Variants in PHAF1 observed in about 807,000 individuals in gnomAD.
PHAF1 encodes phagosome assembly factor 1.
Under a neutral mutation model 63.1 loss-of-function variants are expected in PHAF1, and 23 were observed. The observed-to-expected ratio is 0.36, with a 90% confidence interval of 0.26 to 0.52. The LOEUF (loss-of-function observed/expected upper bound fraction) is 0.52, where lower values mean the gene tolerates loss of function less well. Among genes scored for constraint, PHAF1 ranks in the 20% least tolerant of loss-of-function variants. The pLI is 0.93. For missense variants in PHAF1, 427 were observed against 517.2 expected (o/e 0.83, Z 1.69); for synonymous variants, 167 against 185.0 (o/e 0.90, Z 0.79).
At chr16:67,117,297 C>T (rs1962778937) in intron 1 of PHAF1, among the ~76,000 whole-genome samples, 1 of 148,790 alleles carries the variant, frequency 6.7e-6, no homozygotes, top group Non-Finnish European at 1.5e-5. Flanking sequence ...GATCCGCCTG[C>T]CTCGGCCTCC....
chr16:67,147,436 C>A lies in PHAF1; in HGVS notation c.*305C>A. 2.6e-6 allele frequency: 1 copy of A among 391,100 alleles called. No individual in the cohort carries two copies. 24.2% of individuals were successfully genotyped at this position (391,100 alleles called of 1,614,324 possible). ...TAACAAGGAGGCAGGAGAGGTCAAC[C>A]CTTGTCCCATGCACATTGGGAAGAC... On this transcript the variant is annotated 3_prime_UTR_variant, in exon 16 of 16. Transcript: ENST00000219139.
intron 12 of PHAF1, 97 bp from the exon 13 acceptor site, chr16:67,145,279 C>A (rs1032838598): frequency 1.0e-5 from 14 of 1,372,758 alleles, no homozygotes; most frequent in African/African-American, 1.4e-5. Context: ...ACTCCAACCC[C>A]AGTGCAAAGG....
At position 67,144,353 on chromosome 16, in the gene PHAF1, C is replaced by T. The variant is rs370594179; in HGVS notation, c.939C>T (p.Tyr313=). 1.9e-6 allele frequency: 3 copies of T among 1,609,782 alleles called. No individual in the cohort carries two copies. The African/African-American group carries it at 4.0e-5, about 22-fold the overall frequency. Residue 313 remains tyrosine, a synonymous_variant, in exon 11 of 16, where the codon TAC becomes TAT. Coordinates refer to ENST00000219139, the MANE Select transcript of PHAF1 (RefSeq NM_025187.5). ...KVKKFVLHTN[Y]PGHYNFNIYH... Reference sequence around the variant, plus strand: ...AGAAGTTTGTTCTACACACCAATTACCCTGGGCATTATAATTTCAACATGT... The same window carrying T: ...AGAAGTTTGTTCTACACACCAATTATCCTGGGCATTATAATTTCAACATGT...
chr16:67,147,184 C>T lies in PHAF1; in HGVS notation c.*53C>T. ...CCGTGGAACTGTGCATCACATCCTG[C>T]TCAGTGGGCCTCTGTACCACCCTGT... On this transcript the variant is annotated 3_prime_UTR_variant, in exon 16 of 16. Coordinates refer to ENST00000219139, the MANE Select transcript of PHAF1 (RefSeq NM_025187.5). 1.3e-6 allele frequency: 2 copies of T among 1,502,172 alleles called. No homozygotes were observed. The highest frequency in any genetic ancestry group is 1.4e-5 in the African/African-American group (1 of 72,588). 93.1% of individuals were successfully genotyped at this position (1,502,172 alleles called of 1,614,324 possible).
At chr16:67,123,155 T>TG (rs1963052355) in intron 2 of PHAF1, among the ~76,000 whole-genome samples, 1 of 151,030 alleles carries the variant, frequency 6.6e-6, no homozygotes, top group African/African-American at 2.4e-5. Flanking sequence ...GGCATGATCA[T>TG]GGCTCACTGG....
chr16:67,145,360 T>C lies in PHAF1; in HGVS notation c.1007-16T>C, dbSNP rs755309962. Reference sequence around the variant, plus strand: ...TGGGCCAGCTACAAATCTGCCCCACTGTCTTCTCTTTTCAGAAAACGCAGA... The same window carrying C: ...TGGGCCAGCTACAAATCTGCCCCACCGTCTTCTCTTTTCAGAAAACGCAGA... On this transcript the variant is annotated splice_polypyrimidine_tract_variant and intron_variant, in intron 12 of 15. Transcript: ENST00000219139. 1.2e-6 allele frequency: 2 copies of C among 1,613,998 alleles called. No homozygotes were observed. The highest frequency in any genetic ancestry group is 1.1e-5 in the South Asian group (1 of 91,058).
At chr16:67,124,682 T>C (rs930054895) in intron 2 of PHAF1, among the ~76,000 whole-genome samples, 2 of 152,008 alleles carry the variant, frequency 1.3e-5, no homozygotes, top group Non-Finnish European at 2.9e-5. Context: ...AGGAGATGGA[T>C]CACGAGGTCA....
intron 8 of PHAF1, chr16:67,134,689 C>T: frequency 1.6e-6 from 1 of 641,348 alleles, no homozygotes; most frequent in Non-Finnish European, 2.9e-6. Context: ...GATGCGCCTG[C>T]AGTCTAGTTC....
chr16:67,138,289 T>TA (rs952039871), intron 8 of PHAF1, among the ~76,000 whole-genome samples: 2 of 152,178 alleles, frequency 1.3e-5, no homozygotes, highest in Non-Finnish European at 2.9e-5. Flanking sequence ...GCCTAAGCCT[T>TA]TATTTCCCCC....
At chr16:67,118,135 T>G (rs1217314454) in intron 1 of PHAF1, among the ~76,000 whole-genome samples, 2 of 146,966 alleles carry the variant, frequency 1.4e-5, no homozygotes, top group African/African-American at 4.9e-5. Context: ...TTTTTTTTTT[T>G]TTTTTTTTTT....
At chr16:67,134,492 TAC>T (rs1360464304) in intron 8 of PHAF1, 25 bp downstream of exon 8, 1 of 1,556,282 alleles carries the variant, frequency 6.4e-7, no homozygotes, top group Non-Finnish European at 8.9e-7. Context: ...TTGAGGTTGG[TAC>T]ATTCCGCATT....
chr16:67,136,085 C>T (rs1035502403), intron 8 of PHAF1: 5 of 152,136 alleles, frequency 3.3e-5, no homozygotes, highest in African/African-American at 4.8e-5. Context: ...GGGTGGATTA[C>T]CTGAGGTCAG....
chr16:67,116,866 A>G (rs116206562), intron 1 of PHAF1, among the ~76,000 whole-genome samples: 3,172 of 151,948 alleles, frequency 0.021, 101 homozygotes, highest in African/African-American at 0.072. Context: ...ACAAAACAAA[A>G]CCAGTCACTG....
intron 1 of PHAF1, among the ~76,000 whole-genome samples, chr16:67,113,170 A>C (rs1031552756): frequency 6.6e-5 from 10 of 152,196 alleles, no homozygotes; most frequent in African/African-American, 2.4e-4. Flanking sequence ...TTTCCTTCTG[A>C]AAGTGGACTC....
intron 14 of PHAF1, 135 bp downstream of exon 14, chr16:67,145,763 C>T (rs2030004352): frequency 3.3e-6 from 3 of 902,152 alleles, no homozygotes; most frequent in Non-Finnish European, 5.0e-6. Flanking sequence ...TACTTCCTGC[C>T]CCACTCTGCA....
At chr16:67,126,382 C>G (rs1963189303) in intron 3 of PHAF1, among the ~76,000 whole-genome samples, 1 of 152,098 alleles carries the variant, frequency 6.6e-6, no homozygotes, top group African/African-American at 2.4e-5. Flanking sequence ...ATTCTTTTGT[C>G]AAACACTGTA....
At chr16:67,119,241 C>T (rs894150596) in intron 1 of PHAF1, among the ~76,000 whole-genome samples, 3 of 152,198 alleles carry the variant, frequency 2.0e-5, no homozygotes. Context: ...CAGAATTATG[C>T]AGTCAGTGCT....
chr16:67,114,632 A>G (rs1013575573), intron 1 of PHAF1, among the ~76,000 whole-genome samples: 4 of 152,034 alleles, frequency 2.6e-5, no homozygotes, highest in African/African-American at 9.7e-5. Context: ...ATTTGGTATT[A>G]TAATTAGAGC....
rs1963454839 is a variant in PHAF1, at chr16:67,132,752, GGTTTATGTTA to G, written c.356-63_356-54del. 6 of 1,411,396 alleles carry G rather than the reference GGTTTATGTTA, an allele frequency of 4.3e-6. No homozygotes were observed. The African/African-American group carries it at 5.6e-5, about 13-fold the overall frequency. 87.4% of individuals were successfully genotyped at this position (1,411,396 alleles called of 1,614,324 possible). A position where few individuals can be genotyped will look rare whatever the true frequency, so the allele number is the denominator to read the frequency against. On this transcript the variant is annotated intron_variant, in intron 5 of 15. Coordinates refer to ENST00000219139, the MANE Select transcript of PHAF1 (RefSeq NM_025187.5). ...GTCAGTCATTACTCCCTGCCAGGCT[GGTTTATGTTA>G]GCCATTTCAGATGCCAGTCAACCAT... is the stretch of plus-strand genomic sequence containing the variant.
Sources: gnomAD v4.1 joint callset for allele counts (sites outside exome capture counted in the v4.1 genomes callset) on GRCh38, gnomAD v4.1.1 for gene constraint, MANE v1.5 for transcripts, NCBI Gene and HGNC (gene_info 2026-07-23, HGNC 2026-07-21) for gene names.